Variants in TMEM132B observed in about 807,000 individuals in gnomAD.
TMEM132B encodes transmembrane protein 132B.
TMEM132B carries 18 observed loss-of-function variants against 90.8 expected under a neutral mutation model. The observed-to-expected ratio is 0.20, with a 90% confidence interval of 0.14 to 0.29. The LOEUF (loss-of-function observed/expected upper bound fraction) is 0.29. Ranked by LOEUF, TMEM132B falls within the 10% of genes least tolerant of loss-of-function variation. TMEM132B has a pLI of 1.00. For missense variants in TMEM132B, 1,096 were observed against 1,326.8 expected (o/e 0.83, Z 2.70); for synonymous variants, 504 against 523.3 (o/e 0.96, Z 0.50).
At chr12:125,371,235 T>C (rs1388403010) in intron 2 of TMEM132B, among the ~76,000 whole-genome samples, 2 of 152,138 alleles carry the variant, frequency 1.3e-5, no homozygotes, top group Non-Finnish European at 1.5e-5. Flanking sequence ...ACCACCCACA[T>C]TGAGGGTGGG....
At chr12:125,326,908 C>A (rs530461282) in intron 1 of TMEM132B, among the ~76,000 whole-genome samples, 1 of 152,240 alleles carries the variant, frequency 6.6e-6, no homozygotes, top group African/African-American at 2.4e-5. Flanking sequence ...CATGCAGGGG[C>A]CACTTCTCCA....
In TMEM132B at chr12:125,415,034, A is replaced by G. The variant is rs1879969778; in HGVS notation, c.960-497A>G. On this transcript the variant is annotated intron_variant, in intron 2 of 8. Transcript: ENST00000682704. This position sits in a 1 kb window ranked among gnomAD's most constrained non-coding sequence, Gnocchi z 5.3. ...GCCTGAATGCCACATTTGTTCTTCA[A>G]ACACCTGAGGACTGGGTGCTCCCGT... Among the ~76,000 whole-genome samples, 2 of 152,112 alleles carry G rather than the reference A, an allele frequency of 1.3e-5. No homozygotes were observed. The highest frequency in any genetic ancestry group is 1.3e-4 in the Admixed American group (2 of 15,268).
chr12:125,595,903 C>A (rs2136906482), intron 5 of TMEM132B, among the ~76,000 whole-genome samples: 1 of 149,912 alleles, frequency 6.7e-6, no homozygotes, highest in East Asian at 2.0e-4. Context: ...CTTGGACTAT[C>A]CACAAACTAA....
intron 4 of TMEM132B, among the ~76,000 whole-genome samples, chr12:125,552,379 G>T (rs142358713): frequency 6.6e-6 from 1 of 152,302 alleles, no homozygotes; most frequent in Non-Finnish European, 1.5e-5. Flanking sequence ...AGACAGAGGG[G>T]GGTGCCCTGG....
intron 2 of TMEM132B, among the ~76,000 whole-genome samples, chr12:125,401,451 A>C (rs570707060): frequency 2.6e-4 from 40 of 152,282 alleles, no homozygotes; most frequent in African/African-American, 9.4e-4. Context: ...GGGATTTGCC[A>C]TTTTAGATTG....
chr12:125,411,245 G>A (rs1879826542), intron 2 of TMEM132B, among the ~76,000 whole-genome samples: 1 of 150,428 alleles, frequency 6.6e-6, no homozygotes, highest in Non-Finnish European at 1.5e-5. Context: ...ACAAAGTAGA[G>A]ATGCCCACAC....
intron 1 of TMEM132B, among the ~76,000 whole-genome samples, chr12:125,288,900 C>T (rs576149672): frequency 6.6e-6 from 1 of 152,256 alleles, no homozygotes; most frequent in East Asian, 1.9e-4. Flanking sequence ...AAATTTACCC[C>T]AGGCTGCTGA....
rs1887112341 is a variant in TMEM132B, at chr12:125,658,083, A to G, written c.*3373A>G. 6.6e-6 allele frequency: 1 copy of G among 152,234 alleles called. No individual in the cohort carries two copies. The highest frequency in any genetic ancestry group is 6.5e-5 in the Admixed American group (1 of 15,286). 9.4% of individuals were successfully genotyped at this position (152,234 alleles called of 1,614,324 possible). ...AACCTCAGAATACTCCATGTGTCCC[A>G]AGAGAAGGAATAATTGTCTTTCTAG... On this transcript the variant is annotated 3_prime_UTR_variant, in exon 9 of 9. Coordinates refer to ENST00000682704, the MANE Select transcript of TMEM132B (RefSeq NM_001366854.1).
At chr12:125,562,515 A>G (rs147243905) in intron 4 of TMEM132B, among the ~76,000 whole-genome samples, 9 of 152,192 alleles carry the variant, frequency 5.9e-5, no homozygotes, top group African/African-American at 1.9e-4. Context: ...AAGCTTAATC[A>G]TTTCTAGCTT....
intron 1 of TMEM132B, among the ~76,000 whole-genome samples, chr12:125,253,434 CTT>C (rs1317549570): frequency 2.4e-4 from 34 of 138,992 alleles, no homozygotes; most frequent in Non-Finnish European, 2.8e-4. Flanking sequence ...TTCCCCCCCA[CTT>C]TTTTTTTTTT....
intron 1 of TMEM132B, among the ~76,000 whole-genome samples, chr12:125,206,867 C>A (rs1238940538): frequency 6.6e-6 from 1 of 152,200 alleles, no homozygotes; most frequent in East Asian, 1.9e-4. Context: ...GGGGCTTGGA[C>A]GCATTGTTTC....
At chr12:125,256,921 A>G (rs570912150) in intron 1 of TMEM132B, among the ~76,000 whole-genome samples, 1 of 152,306 alleles carries the variant, frequency 6.6e-6, no homozygotes, top group South Asian at 2.1e-4. Context: ...TCTGCTTCTC[A>G]GGAGCAATTC....
chr12:125,205,189 C>T (rs1346556283), intron 1 of TMEM132B, among the ~76,000 whole-genome samples: 1 of 151,706 alleles, frequency 6.6e-6, no homozygotes, highest in Non-Finnish European at 1.5e-5. Context: ...CTGTGCTTAG[C>T]CCTTTGTGTG....
intron 5 of TMEM132B, among the ~76,000 whole-genome samples, chr12:125,636,473 A>G (rs1440906567): frequency 1.3e-5 from 2 of 152,204 alleles, no homozygotes. Context: ...GTGGAGGACC[A>G]GGGCCAAATT....
intron 2 of TMEM132B, among the ~76,000 whole-genome samples, chr12:125,397,077 T>C (rs1879189526): frequency 6.6e-6 from 1 of 151,902 alleles, no homozygotes; most frequent in Non-Finnish European, 1.5e-5. Flanking sequence ...GTTCAAGCAA[T>C]TCCCCTGCCT....
chr12:125,475,157 T>G (rs1017960208), intron 3 of TMEM132B, among the ~76,000 whole-genome samples: 1 of 151,486 alleles, frequency 6.6e-6, no homozygotes, highest in Non-Finnish European at 1.5e-5. Flanking sequence ...AAATTAGAAG[T>G]GTGTGTGTGT....
chr12:125,359,812 G>T (rs1877903268), intron 2 of TMEM132B, among the ~76,000 whole-genome samples: 3 of 152,212 alleles, frequency 2.0e-5, no homozygotes, highest in African/African-American at 7.2e-5. Context: ...AGGTGCAGTG[G>T]TTCACGCCTG....
chr12:125,630,522 A>G (rs1886342491), intron 5 of TMEM132B, among the ~76,000 whole-genome samples: 1 of 151,886 alleles, frequency 6.6e-6, no homozygotes, highest in Non-Finnish European at 1.5e-5. Context: ...TTTGGATCTT[A>G]TCTCTTTTTT....
chr12:125,514,557 T>G lies in TMEM132B; in HGVS notation c.1107-4882T>G, dbSNP rs1264410770. On this transcript the variant is annotated intron_variant, in intron 3 of 8. Transcript: ENST00000682704. ...ACAGATACCTGAGACCAGAGACAGCTTCTCTTGTCCCATTTTTAGAATTCC... is the reference window on the plus strand; with the variant it reads ...ACAGATACCTGAGACCAGAGACAGCGTCTCTTGTCCCATTTTTAGAATTCC... 2.6e-5 allele frequency among the ~76,000 whole-genome samples: 4 copies of G among 152,334 alleles called. No homozygotes were observed. In the East Asian group the frequency reaches 7.7e-4, roughly 29 times the overall value.
Sources: allele counts gnomAD v4.1 joint callset (sites outside exome capture counted in the v4.1 genomes callset), GRCh38; gene constraint gnomAD v4.1.1; non-coding constraint Gnocchi (gnomAD v3.1); transcripts MANE v1.5; gene names NCBI Gene and HGNC (gene_info 2026-07-23, HGNC 2026-07-21).